SHISAL1: variants seen among roughly 807,000 people sequenced by gnomAD.
The protein encoded by SHISAL1 is shisa like 1, also known as protein shisa-like-1.
In SHISAL1, 9 loss-of-function variants were observed where a neutral mutation model predicts 22.6. The ratio of observed to expected loss-of-function variants is 0.40; its 90% CI spans 0.24 to 0.70. SHISAL1 has a LOEUF of 0.70. SHISAL1 is among the 30% of genes least tolerant of loss of function. SHISAL1 has a pLI of 0.39. For missense variants in SHISAL1, 246 were observed against 270.6 expected (o/e 0.91, Z 0.64); for synonymous variants, 119 against 115.4 (o/e 1.03, Z -0.20).
At chr22:44,273,543 T>A (rs1180247670) in intron 4 of SHISAL1, among the ~76,000 whole-genome samples, 1 of 152,206 alleles carries the variant, frequency 6.6e-6, no homozygotes, top group East Asian at 1.9e-4. Flanking sequence ...CTCCCAAAAT[T>A]CCTACACCCT....
At chr22:44,323,577 A>C in the SHISAL1 span, among the ~76,000 whole-genome samples, 1 of 124,816 alleles carries the variant, frequency 8.0e-6, no homozygotes, top group Non-Finnish European at 1.7e-5. Context: ...CCATCCATCC[A>C]CCCACCTCAC....
At chr22:44,276,588 A>C (rs2055241157) in intron 4 of SHISAL1, among the ~76,000 whole-genome samples, 1 of 151,972 alleles carries the variant, frequency 6.6e-6, no homozygotes, top group African/African-American at 2.4e-5. Flanking sequence ...TTCTGGCTTC[A>C]TTTTCAAGGT....
At chr22:44,303,352 G>A (rs11912121) in intron 1 of SHISAL1, among the ~76,000 whole-genome samples, 7,237 of 152,174 alleles carry the variant, frequency 0.048, 602 homozygotes, top group African/African-American at 0.17. Flanking sequence ...GAGGTCATTA[G>A]TTAAGATGAG....
At chr22:44,314,363 TC>T (rs199808291), upstream of SHISAL1, among the ~76,000 whole-genome samples, 2,156 of 152,282 alleles carry the variant, frequency 0.014, 25 homozygotes, top group Non-Finnish European at 0.02. Context: ...AGCTGTGTGA[TC>T]CTGGGCATGT....
chr22:44,296,924 C>G (rs758985723), intron 2 of SHISAL1, 39 bp from the exon 3 acceptor site: 1 of 1,540,340 alleles, frequency 6.5e-7, no homozygotes, highest in South Asian at 1.1e-5. Flanking sequence ...GGGTCCCTCA[C>G]CAGTCCACGG....
chr22:44,254,980 A>G (rs1404713172), intron 4 of SHISAL1, among the ~76,000 whole-genome samples: 2 of 151,286 alleles, frequency 1.3e-5, no homozygotes, highest in South Asian at 2.1e-4. Context: ...TCCCCCTTTC[A>G]CTCATCCTCC....
rs150196902 is a variant in SHISAL1, at chr22:44,295,879, A to G, written c.281+793T>C. On this transcript the variant is annotated intron_variant, in intron 3 of 4. Coordinates refer to ENST00000381176, the MANE Select transcript of SHISAL1 (RefSeq NM_001099294.2). ...AGCGTGTTCCCATTGCTTTTCTAACAGCAAACTCTCTCTTTCTCCACACCT... is the reference window on the plus strand; with the variant it reads ...AGCGTGTTCCCATTGCTTTTCTAACGGCAAACTCTCTCTTTCTCCACACCT... 3.9e-3 allele frequency among the ~76,000 whole-genome samples: 590 copies of G among 152,258 alleles called. 2 individuals carry two copies. The highest frequency in any genetic ancestry group is 0.013 in the African/African-American group (549 of 41,516).
intron 4 of SHISAL1, among the ~76,000 whole-genome samples, chr22:44,262,138 G>A (rs905724404): frequency 2.0e-5 from 3 of 152,208 alleles, no homozygotes; most frequent in Non-Finnish European, 2.9e-5. Context: ...CCTGGCCAGG[G>A]TGGGAATTGG....
At chr22:44,250,420 C>G (rs1184118369) in intron 4 of SHISAL1, among the ~76,000 whole-genome samples, 2 of 152,208 alleles carry the variant, frequency 1.3e-5, no homozygotes, top group African/African-American at 4.8e-5. Context: ...AGTGTGGAAA[C>G]AGATCTGCGG....
At chr22:44,315,716 C>T (rs528897511), upstream of SHISAL1, among the ~76,000 whole-genome samples, 1 of 152,184 alleles carries the variant, frequency 6.6e-6, no homozygotes, top group East Asian at 1.9e-4. Flanking sequence ...TCACCTGCCT[C>T]GAGGAGGCTT....
At chr22:44,257,359 C>T (rs1215178876) in intron 4 of SHISAL1, among the ~76,000 whole-genome samples, 1 of 152,224 alleles carries the variant, frequency 6.6e-6, no homozygotes, top group Non-Finnish European at 1.5e-5. Context: ...TGGAGAGTCA[C>T]ACAGAGACCA....
upstream of SHISAL1, among the ~76,000 whole-genome samples, chr22:44,317,817 A>T (rs1314687521): frequency 6.6e-6 from 1 of 152,198 alleles, no homozygotes; most frequent in South Asian, 2.1e-4. Flanking sequence ...ACCAGGCTCC[A>T]CTTTCTGTTG....
chr22:44,277,483 C>CAA (rs1275649166), intron 4 of SHISAL1, among the ~76,000 whole-genome samples: 2 of 151,230 alleles, frequency 1.3e-5, no homozygotes, highest in Admixed American at 1.3e-4. Context: ...CAAAACAAAA[C>CAA]AGCCTCATGG....
intron 4 of SHISAL1, among the ~76,000 whole-genome samples, chr22:44,258,879 G>A (rs2055102372): frequency 6.6e-6 from 1 of 152,172 alleles, no homozygotes. Flanking sequence ...TGGGGTGGAT[G>A]GAGTAGGCGT....
intron 3 of SHISAL1, among the ~76,000 whole-genome samples, chr22:44,292,215 G>T (rs1182880242): frequency 6.6e-6 from 1 of 152,166 alleles, no homozygotes; most frequent in Non-Finnish European, 1.5e-5. Context: ...AAGGGCGATG[G>T]GGGAGGACCA....
At chr22:44,272,571 C>A (rs1182987309) in intron 4 of SHISAL1, among the ~76,000 whole-genome samples, 1 of 152,198 alleles carries the variant, frequency 6.6e-6, no homozygotes, top group Non-Finnish European at 1.5e-5. Context: ...AGGGACAGGG[C>A]TGGAGGCTTT....
chr22:44,262,331 C>T (rs2055130750), intron 4 of SHISAL1, among the ~76,000 whole-genome samples: 1 of 151,922 alleles, frequency 6.6e-6, no homozygotes, highest in Admixed American at 6.6e-5. Flanking sequence ...GCGGCAGCCA[C>T]AAAGCCTTCA....
At chr22:44,315,392 C>T (rs1333644230), upstream of SHISAL1, among the ~76,000 whole-genome samples, 1 of 152,138 alleles carries the variant, frequency 6.6e-6, no homozygotes, top group African/African-American at 2.4e-5. Context: ...GCTGGGGGTC[C>T]CTGAGAAAGG....
intron 1 of SHISAL1, among the ~76,000 whole-genome samples, chr22:44,302,513 A>C (rs73432541): frequency 0.043 from 6,609 of 152,226 alleles, 481 homozygotes; most frequent in African/African-American, 0.15. Flanking sequence ...GAAGGGTGGT[A>C]AGGAGGGCCT....
Sources: allele counts gnomAD v4.1 joint callset (sites outside exome capture counted in the v4.1 genomes callset), GRCh38; gene constraint gnomAD v4.1.1; transcripts MANE v1.5; gene names NCBI Gene and HGNC (gene_info 2026-07-23, HGNC 2026-07-21).